GRIN1: variants seen among roughly 807,000 people sequenced by gnomAD.
GRIN1 encodes the protein glutamate ionotropic receptor NMDA type subunit 1, also known as glutamate receptor ionotropic, NMDA 1.
In GRIN1, 38 loss-of-function variants were observed where a neutral mutation model predicts 103.0. The ratio of observed to expected loss-of-function variants is 0.37; its 90% CI spans 0.28 to 0.48. GRIN1 has a LOEUF of 0.48. Ranked by LOEUF, GRIN1 falls within the 20% of genes least tolerant of loss-of-function variation. The pLI is 0.98. For missense variants in GRIN1, 577 were observed against 1,288.9 expected, an observed-to-expected ratio of 0.45 and a Z score of 8.46; for synonymous variants, 544 against 532.7, an observed-to-expected ratio of 1.02 and a Z score of -0.29.
intron 19 of GRIN1, among the ~76,000 whole-genome samples, chr9:137,165,727 G>A (rs917086189): frequency 2.0e-5 from 3 of 152,212 alleles, no homozygotes; most frequent in Non-Finnish European, 2.9e-5. Flanking sequence ...TCTCCCAGAG[G>A]GGCCCGCCGC....
intron 3 of GRIN1, chr9:137,148,093 C>T: frequency 8.5e-7 from 1 of 1,171,088 alleles, no homozygotes; most frequent in Non-Finnish European, 1.2e-6. Flanking sequence ...CCGTCATTTT[C>T]AACCGTTTAT....
At chr9:137,152,604 G>A (rs1414889707) in intron 4 of GRIN1, among the ~76,000 whole-genome samples, 1 of 152,138 alleles carries the variant, frequency 6.6e-6, no homozygotes, top group Non-Finnish European at 1.5e-5. Flanking sequence ...CGGCCTGTGA[G>A]CCCCTGAGCC....
intron 4 of GRIN1, among the ~76,000 whole-genome samples, chr9:137,155,070 CTT>C (rs1304954589): frequency 6.6e-6 from 1 of 152,224 alleles, no homozygotes; most frequent in Non-Finnish European, 1.5e-5. Flanking sequence ...GTTTCCAAAA[CTT>C]TTCATTTTCC....
chr9:137,153,265 C>T (rs1324495153), intron 4 of GRIN1, among the ~76,000 whole-genome samples: 1 of 150,578 alleles, frequency 6.6e-6, no homozygotes, highest in Non-Finnish European at 1.5e-5. Context: ...ACCATGCATA[C>T]ACCATACACA....
At chr9:137,165,859 G>A (rs768535451) in intron 19 of GRIN1, among the ~76,000 whole-genome samples, 11 of 152,226 alleles carry the variant, frequency 7.2e-5, no homozygotes, top group East Asian at 1.9e-4. Flanking sequence ...AGAGCCATGC[G>A]TGTTGCATCT....
rs1473529152 is a variant in GRIN1 at position 137,139,773 on chromosome 9, T to A, written c.258+29T>A. The A allele has an allele frequency of 7.0e-7, 1 of 1,420,676 alleles. No individual in the cohort carries two copies. The highest frequency in any genetic ancestry group is 9.6e-7 in the Non-Finnish European group (1 of 1,039,276). The allele number at this position is 1,420,676 out of a possible 1,614,324, so 88.0% of individuals were successfully genotyped here. A position where few individuals can be genotyped will look rare whatever the true frequency, so the allele number is the denominator to read the frequency against. The stretch of plus-strand genomic sequence containing the variant: ...CCCTCCCCCACCTCCGCCACCCACC[T>A]CCCCTCTCCTCCATCCTGCAACCCC... On this transcript the variant is annotated intron_variant, in intron 1 of 19. Transcript: ENST00000371561. This position sits in a 1 kb window ranked among gnomAD's most constrained non-coding sequence, Gnocchi z 7.7.
intron 15 of GRIN1, 67 bp downstream of exon 15, chr9:137,163,070 G>A (rs1833646462): frequency 1.3e-6 from 2 of 1,563,842 alleles, no homozygotes; most frequent in South Asian, 1.1e-5. Context: ...GGCCTCCACC[G>A]GGCAGGAGAG....
At chr9:137,164,058 C>T (rs1197858679) in intron 18 of GRIN1, 154 bp downstream of exon 18, 2 of 933,718 alleles carry the variant, frequency 2.1e-6, no homozygotes, top group Non-Finnish European at 3.4e-6. Flanking sequence ...GCTCCCAGGG[C>T]ACGGGGGCAG....
intron 3 of GRIN1, chr9:137,148,096 C>T (rs1832651009): frequency 8.5e-7 from 1 of 1,180,800 alleles, no homozygotes; most frequent in Non-Finnish European, 1.2e-6. Context: ...TCATTTTCAA[C>T]CGTTTATAAT....
At chr9:137,154,416 C>A (rs1442909946) in intron 4 of GRIN1, among the ~76,000 whole-genome samples, 1 of 145,792 alleles carries the variant, frequency 6.9e-6, no homozygotes, top group Non-Finnish European at 1.5e-5. Context: ...TCAGCCACCA[C>A]CCCCAGCTCC....
At chr9:137,155,901 G>A (rs1319418496) in intron 4 of GRIN1, among the ~76,000 whole-genome samples, 1 of 152,226 alleles carries the variant, frequency 6.6e-6, no homozygotes, top group Non-Finnish European at 1.5e-5. Flanking sequence ...GAAGGCAGCT[G>A]CTTATGCAGA....
chr9:137,140,715 G>A (rs1440834940), intron 1 of GRIN1, among the ~76,000 whole-genome samples: 1 of 152,232 alleles, frequency 6.6e-6, no homozygotes, highest in Non-Finnish European at 1.5e-5. Context: ...ACATGCCAGG[G>A]CATGTGATGC....
chr9:137,152,381 A>AT (rs1464547011), intron 4 of GRIN1, among the ~76,000 whole-genome samples: 17 of 152,154 alleles, frequency 1.1e-4, no homozygotes. Flanking sequence ...CAACTCAAGG[A>AT]ATCGATTGCC....
chr9:137,141,206 C>T (rs1031012006), intron 1 of GRIN1, among the ~76,000 whole-genome samples: 2 of 152,208 alleles, frequency 1.3e-5, no homozygotes, highest in East Asian at 1.9e-4. Flanking sequence ...CGCCCCCATT[C>T]GCCAAAGCTC....
At chr9:137,163,952 C>T (rs758502838) in intron 18 of GRIN1, 48 bp downstream of exon 18, 1 of 1,595,182 alleles carries the variant, frequency 6.3e-7, no homozygotes, top group East Asian at 2.2e-5. Context: ...CCCGGCCTGG[C>T]CACGGCCCTC....
At chr9:137,148,339 C>CGGCAGCA in intron 3 of GRIN1, 1 of 657,884 alleles carries the variant, frequency 1.5e-6, no homozygotes, top group South Asian at 1.8e-5. Context: ...GAGAGGCAGC[C>CGGCAGCA]GGCAGCAGGC....
intron 19 of GRIN1, among the ~76,000 whole-genome samples, chr9:137,166,768 G>A (rs1038848132): frequency 5.9e-5 from 9 of 152,254 alleles, no homozygotes; most frequent in Admixed American, 2.0e-4. Flanking sequence ...TGCGGAAAGC[G>A]GGCAGAGCTG....
At chr9:137,163,144 C>T (rs1250152249) in intron 15 of GRIN1, 25 bp from the exon 16 acceptor site, 9 of 1,610,926 alleles carry the variant, frequency 5.6e-6, no homozygotes, top group African/African-American at 2.7e-5. Context: ...GACCAAGGCC[C>T]CCGTGACTCC....
rs923301789 is a variant in GRIN1, at chr9:137,154,083, A to G, written c.672-2586A>G. 4.7e-5 allele frequency among the ~76,000 whole-genome samples: 7 copies of G among 147,656 alleles called. No individual in the cohort carries two copies. The Admixed American group carries it at 4.7e-4, about 10-fold the overall frequency. ...TGCCTCAGCCTTCCAAAGTGCTGGC[A>G]TTACAGGCATGAGCCACCGTGCCTG... On this transcript the variant is annotated intron_variant, in intron 4 of 19. Coordinates refer to ENST00000371561, the MANE Select transcript of GRIN1 (RefSeq NM_007327.4).
Sources: gnomAD v4.1 joint callset for allele counts (sites outside exome capture counted in the v4.1 genomes callset) on GRCh38, gnomAD v4.1.1 for gene constraint, Gnocchi (gnomAD v3.1) non-coding constraint, MANE v1.5 for transcripts, NCBI Gene and HGNC (gene_info 2026-07-23, HGNC 2026-07-21) for gene names.